The following AXIN1 variants were observed in gnomAD, a reference collection of about 807,000 sequenced individuals.
AXIN1 encodes axin 1, also known as axin-1.
In AXIN1, 30 loss-of-function variants were observed where a neutral mutation model predicts 76.4. The ratio of observed to expected loss-of-function variants is 0.39; its 90% CI spans 0.29 to 0.53. AXIN1 has a LOEUF of 0.53. Ranked by LOEUF, AXIN1 falls within the 20% of genes least tolerant of loss-of-function variation. The pLI is 0.66. For missense variants in AXIN1, 1,140 were observed against 1,198.8 expected (o/e 0.95, Z 0.72); for synonymous variants, 545 against 501.4 (o/e 1.09, Z -1.16).
At position 337,833 on chromosome 16, in the gene AXIN1, G is replaced by A. The variant is rs561779815; in HGVS notation, c.878+8315C>T. Among the ~76,000 whole-genome samples, 7 of 152,390 alleles carry A rather than the reference G, an allele frequency of 4.6e-5. No homozygotes were observed. The East Asian group carries it at 5.8e-4, about 13-fold the overall frequency. On this transcript the variant is annotated intron_variant, in intron 2 of 10. Coordinates refer to ENST00000262320, the MANE Select transcript of AXIN1 (RefSeq NM_003502.4). Reference sequence around the variant, plus strand: ...ATCTGGGCCCTATGGGCACTCAGCCGGGCGTGCGGCCTCTGGGGGCCCCCT... The same window carrying A: ...ATCTGGGCCCTATGGGCACTCAGCCAGGCGTGCGGCCTCTGGGGGCCCCCT...
chr16:297,100 A>G lies in AXIN1; in HGVS notation c.1911T>C (p.Ile637=), dbSNP rs199970405. Residue 637 remains isoleucine, a synonymous_variant, in exon 7 of 11, where the codon ATT becomes ATC. Transcript: ENST00000262320. ...GCCTGCTGATCTCCTTTTCCCCCTC[A>G]ATGATCCACTGCATGATTTTCTGGT... The part of the protein sequence containing the change: ...EKNQKIMQWI[I]EGEKEISRHR... The G allele has an allele frequency of 2.1e-4, 343 of 1,612,572 alleles. 3 individuals carry two copies. In the East Asian group the frequency reaches 7.6e-3, roughly 36 times the overall value.
At position 333,307 on chromosome 16, in the gene AXIN1, G is replaced by A. The variant is rs138904777; in HGVS notation, c.878+12841C>T. Among the ~76,000 whole-genome samples the A allele has an allele frequency of 6.3e-3, 953 of 151,766 alleles. 12 individuals carry two copies. Among genetic ancestry groups the A allele is most frequent in the African/African-American group, 0.022 (908 of 41,288 alleles). On this transcript the variant is annotated intron_variant, in intron 2 of 10. Transcript: ENST00000262320. ...AGATCGCACCACTGCACCCCAGCCCGGGCAACAAGAGCGAAATTCCATCTC... is the reference window on the plus strand; with the variant it reads ...AGATCGCACCACTGCACCCCAGCCCAGGCAACAAGAGCGAAATTCCATCTC...
In AXIN1 at chr16:287,833, G is replaced by T. The variant is rs2052424589; in HGVS notation, c.*289C>A. 2 of 527,366 alleles carry T rather than the reference G, an allele frequency of 3.8e-6. No individual in the cohort carries two copies. The highest frequency in any genetic ancestry group is 6.9e-6 in the Non-Finnish European group (2 of 289,180). The allele number at this position is 527,366 out of a possible 1,614,324, so 32.7% of individuals were successfully genotyped here. On this transcript the variant is annotated 3_prime_UTR_variant, in exon 11 of 11. Coordinates refer to ENST00000262320, the MANE Select transcript of AXIN1 (RefSeq NM_003502.4). Reference sequence around the variant, plus strand: ...CAAGGGAGGTGCCGGGGGATGGGGGGGGGTCACCTGAAGCTGGCAGCAGGG... The same window carrying T: ...CAAGGGAGGTGCCGGGGGATGGGGGTGGGTCACCTGAAGCTGGCAGCAGGG...
Position 293,488 on chromosome 16 carries a change from C to T in AXIN1, c.2186G>A (p.Arg729Lys), listed in dbSNP as rs759633927. 6 of 1,608,960 alleles carry T rather than the reference C, an allele frequency of 3.7e-6. No homozygotes were observed. The highest frequency in any genetic ancestry group is 5.1e-6 in the Non-Finnish European group (6 of 1,179,876). The change falls in exon 8 of 11, where the codon AGG becomes AAG. Residue 729 changes from arginine (R) to lysine (K), a missense_variant and splice_region_variant. Arg to Lys is a conservative substitution (Grantham distance 26, BLOSUM62 2). Coordinates refer to ENST00000262320, the MANE Select transcript of AXIN1 (RefSeq NM_003502.4). This position sits in a 1 kb window ranked among gnomAD's most constrained non-coding sequence, Gnocchi z 4.6. ...KRASRAPSKQ[R>K]YVQEVMRRGR... Reference sequence around the variant, plus strand: ...ACCCCACCCCACGACGCGGCCGTACCTCTGCTTGGAGGGTGCTCGGCTGGC... The same window carrying T: ...ACCCCACCCCACGACGCGGCCGTACTTCTGCTTGGAGGGTGCTCGGCTGGC...
At chr16:294,404 G>A (rs533660064) in intron 7 of AXIN1, among the ~76,000 whole-genome samples, 10 of 146,736 alleles carry the variant, frequency 6.8e-5, no homozygotes, top group African/African-American at 1.3e-4. Context: ...CAGAGGTTGC[G>A]GTGAGCTGAG....
intron 3 of AXIN1, 42 bp downstream of exon 3, chr16:314,501 A>G (rs1398446661): frequency 1.2e-6 from 2 of 1,611,752 alleles, no homozygotes; most frequent in African/African-American, 1.3e-5. Flanking sequence ...GGACTTACAC[A>G]CTGCTGTCCG....
In AXIN1 at chr16:347,039, G is replaced by A. The variant is rs545297306; in HGVS notation, c.-14C>T. The A allele has an allele frequency of 8.7e-6, 14 of 1,613,958 alleles. No individual in the cohort carries two copies. In the East Asian group the frequency reaches 1.1e-4, roughly 13 times the overall value. On this transcript the variant is annotated 5_prime_UTR_variant, in exon 2 of 11. It adds an upstream start codon to the 5' untranslated region. Transcript: ENST00000262320. ...TTGGATATTCATTTTGGGACTCTGC[G>A]TCAAGGAACAATGAGCGCTGCACCC...
chr16:304,439 G>C lies in AXIN1; in HGVS notation c.1119C>G (p.Arg373=), dbSNP rs1567272072. Residue 373 remains arginine (R), a splice_region_variant and synonymous_variant, in exon 5 of 11, where the codon CGC becomes CGG. Transcript: ENST00000262320. Reference sequence around the variant, plus strand: ...GGACCTCCTTCGGCACCCGGTACGTGCGCTGCGAGGGACAGGACTGTGAGG... The same window carrying C: ...GGACCTCCTTCGGCACCCGGTACGTCCGCTGCGAGGGACAGGACTGTGAGG... The part of the protein sequence containing the change: ...NGRVPLPHIP[R]TYRVPKEVRV... 1 of 1,612,710 alleles carries C rather than the reference G, an allele frequency of 6.2e-7. No individual in the cohort carries two copies. The highest frequency in any genetic ancestry group is 8.5e-7 in the Non-Finnish European group (1 of 1,179,968).
chr16:291,806 A>G lies in AXIN1; in HGVS notation c.2187-509T>C, dbSNP rs1313555456. ...CACGTGGACACCTCCACCGGGGTACACTGGGCGACCTTGATGGTGGTTTCT... is the reference window on the plus strand; with the variant it reads ...CACGTGGACACCTCCACCGGGGTACGCTGGGCGACCTTGATGGTGGTTTCT... On this transcript the variant is annotated intron_variant, in intron 8 of 10. Transcript: ENST00000262320. 6 of 220,646 alleles carry G rather than the reference A, an allele frequency of 2.7e-5. No individual in the cohort carries two copies. In the East Asian group the frequency reaches 7.5e-4, roughly 28 times the overall value. 13.7% of individuals were successfully genotyped at this position (220,646 alleles called of 1,614,324 possible).
chr16:327,260 A>G (rs567502486), intron 2 of AXIN1, among the ~76,000 whole-genome samples: 2 of 152,164 alleles, frequency 1.3e-5, no homozygotes, highest in Middle Eastern at 6.8e-3. Flanking sequence ...GGAACAGGTG[A>G]TGGGCTGACC....
At chr16:336,816 CAA>C (rs57147459) in intron 2 of AXIN1, among the ~76,000 whole-genome samples, 43 of 77,066 alleles carry the variant, frequency 5.6e-4, no homozygotes, top group African/African-American at 1.5e-3. Flanking sequence ...GACTCCGCCT[CAA>C]AAAAAAAAAA....
At chr16:327,762 G>T (rs1267078897) in intron 2 of AXIN1, among the ~76,000 whole-genome samples, 1 of 152,258 alleles carries the variant, frequency 6.6e-6, no homozygotes, top group Non-Finnish European at 1.5e-5. Context: ...AATGACAGTG[G>T]CCACTTCTTT....
intron 7 of AXIN1, among the ~76,000 whole-genome samples, chr16:296,618 C>T (rs1418566197): frequency 3.3e-5 from 5 of 152,224 alleles, no homozygotes; most frequent in African/African-American, 9.6e-5. Context: ...GAAGTGCTCA[C>T]GCTACACAAG....
rs528818191 is a variant in AXIN1, at chr16:302,599, C to T, written c.1254+1705G>A. Among the ~76,000 whole-genome samples the T allele has an allele frequency of 2.0e-4, 30 of 152,252 alleles. No individual in the cohort carries two copies. The South Asian group carries it at 5.8e-3, about 29-fold the overall frequency. On this transcript the variant is annotated intron_variant, in intron 5 of 10. Transcript: ENST00000262320. ...CGGTTTCCCAGATGGGCACCACCAG[C>T]GGCACCCTGCGTCCACCCTCACGGT... is the stretch of plus-strand genomic sequence containing the variant.
In AXIN1 at chr16:299,059, G is replaced by A. The variant is rs28725307; in HGVS notation, c.1255-808C>T. ...TGGGATGACAGGCATGAGCCGCCGC[G>A]CCCGGCCTCCCATTATATTTTAAGG... On this transcript the variant is annotated intron_variant, in intron 5 of 10. Transcript: ENST00000262320. 7,335 of 985,088 alleles carry A rather than the reference G, an allele frequency of 7.4e-3. 363 individuals carry two copies. In the African/African-American group the frequency reaches 0.11, roughly 14 times the overall value. The allele number at this position is 985,088 out of a possible 1,614,324, so 61.0% of individuals were successfully genotyped here.
intron 2 of AXIN1, among the ~76,000 whole-genome samples, chr16:326,368 A>ATATATATAT (rs1555483785): frequency 4.4e-5 from 4 of 90,428 alleles, no homozygotes; most frequent in Non-Finnish European, 8.5e-5. Context: ...AAAAAAAAAA[A>ATATATATAT]AAAAATATAT....
At chr16:345,327 G>A (rs1483563510) in intron 2 of AXIN1, among the ~76,000 whole-genome samples, 1 of 152,216 alleles carries the variant, frequency 6.6e-6, no homozygotes, top group Non-Finnish European at 1.5e-5. Flanking sequence ...ATAGCCACAG[G>A]AAGTTTTCAA....
chr16:339,005 C>G (rs1167176331), intron 2 of AXIN1, among the ~76,000 whole-genome samples: 1 of 150,146 alleles, frequency 6.7e-6, no homozygotes, highest in East Asian at 2.0e-4. Flanking sequence ...CCAGCAGAGT[C>G]TGGGATTACA....
chr16:341,259 T>C (rs901244248), intron 2 of AXIN1, among the ~76,000 whole-genome samples: 3 of 151,776 alleles, frequency 2.0e-5, no homozygotes, highest in East Asian at 1.9e-4. Context: ...TGCGGGGAGG[T>C]GTGGAGGGAG....
Sources: gnomAD v4.1 joint callset for allele counts (sites outside exome capture counted in the v4.1 genomes callset) on GRCh38, gnomAD v4.1.1 for gene constraint, Gnocchi (gnomAD v3.1) non-coding constraint, MANE v1.5 for transcripts, NCBI Gene and HGNC (gene_info 2026-07-23, HGNC 2026-07-21) for gene names.